GRIP2: variants seen among roughly 807,000 people sequenced by gnomAD.
GRIP2 encodes glutamate receptor-interacting protein 2.
Under a neutral mutation model 108.3 loss-of-function variants are expected in GRIP2, and 58 were observed. That is an observed-to-expected ratio of 0.54 (90% CI 0.43 to 0.67). The LOEUF (loss-of-function observed/expected upper bound fraction) is 0.67, where lower values mean the gene tolerates loss of function less well. GRIP2 is among the 30% of genes least tolerant of loss of function. GRIP2 has a pLI of 0.00. For missense variants in GRIP2, 1,278 were observed against 1,430.6 expected, an observed-to-expected ratio of 0.89 and a Z score of 1.72; for synonymous variants, 586 against 598.2, an observed-to-expected ratio of 0.98 and a Z score of 0.30.
chr3:14,509,905 G>T lies in GRIP2; in HGVS notation c.1993C>A (p.Pro665Thr). 1 of 1,550,034 alleles carries T rather than the reference G, an allele frequency of 6.5e-7. No homozygotes were observed. Among genetic ancestry groups the T allele is most frequent in the Non-Finnish European group, 8.7e-7 (1 of 1,147,128 alleles). ...GTGCCCGAAATGGTGATGCCCAGGG[G>T]ACCCCCGTAGCGCTTCAGCTCCACT... Reference protein sequence around the residue: ...YTVELKRYGGPLGITISGTEE... With the variant: ...YTVELKRYGGTLGITISGTEE... The change falls in exon 17 of 24, where the codon CCC becomes ACC. Residue 665 changes from proline to threonine, a missense_variant. Pro to Thr is a conservative substitution (Grantham distance 38). Transcript: ENST00000621039.
At chr3:14,503,078 TG>T (rs760264297) in intron 21 of GRIP2, among the ~76,000 whole-genome samples, 7 of 152,248 alleles carry the variant, frequency 4.6e-5, no homozygotes, top group Admixed American at 1.3e-4. Context: ...CATTCACCTC[TG>T]GTTTCCCACA....
At chr3:14,596,377 TGAGA>T in the GRIP2 span, among the ~76,000 whole-genome samples, 1 of 152,164 alleles carries the variant, frequency 6.6e-6, no homozygotes, top group African/African-American at 2.4e-5. Context: ...TTTTTAAAAT[TGAGA>T]GAGACAGTAG....
At chr3:14,581,029 T>A in the GRIP2 span, among the ~76,000 whole-genome samples, 1 of 152,216 alleles carries the variant, frequency 6.6e-6, no homozygotes, top group Non-Finnish European at 1.5e-5. Context: ...CATGAGCCAA[T>A]TCCTTTAAAT....
upstream of GRIP2, chr3:14,542,159 T>A: frequency 9.9e-7 from 1 of 1,010,488 alleles, no homozygotes; most frequent in Non-Finnish European, 1.3e-6. Context: ...TTTTATTTTT[T>A]TTATTTTTTT....
chr3:14,573,602 G>A, the GRIP2 span: 8 of 1,467,270 alleles, frequency 5.5e-6, no homozygotes, highest in East Asian at 2.3e-5. Context: ...TCTCACACTC[G>A]CCGTTGGTGC....
At chr3:14,588,822 C>T in the GRIP2 span, among the ~76,000 whole-genome samples, 6 of 152,336 alleles carry the variant, frequency 3.9e-5, no homozygotes, top group South Asian at 1.0e-3. Flanking sequence ...GCCCCCCACA[C>T]CTCCCACACA....
At chr3:14,580,943 A>C in the GRIP2 span, among the ~76,000 whole-genome samples, 2 of 152,238 alleles carry the variant, frequency 1.3e-5, no homozygotes, top group Admixed American at 6.5e-5. Flanking sequence ...AATTGTCCTC[A>C]AGGCTGCAAC....
In GRIP2 at chr3:14,507,514, C is replaced by T; in HGVS notation, c.2218+47G>A. ...CAAAGCCTGGCACAGAGGGATTGCCCTTCCTAAACCTGCTGGGTGGCTCCC... is the reference window on the plus strand; with the variant it reads ...CAAAGCCTGGCACAGAGGGATTGCCTTTCCTAAACCTGCTGGGTGGCTCCC... On this transcript the variant is annotated intron_variant, in intron 18 of 23. Transcript: ENST00000621039. This position sits in a 1 kb window ranked among gnomAD's most constrained non-coding sequence, Gnocchi z 4.6. 15 of 1,600,916 alleles carry T rather than the reference C, an allele frequency of 9.4e-6. No homozygotes were observed. The highest frequency in any genetic ancestry group is 1.2e-5 in the Non-Finnish European group (14 of 1,169,174).
At chr3:14,530,241 T>C (rs1330525031) in intron 1 of GRIP2, among the ~76,000 whole-genome samples, 3 of 152,224 alleles carry the variant, frequency 2.0e-5, no homozygotes, top group Non-Finnish European at 4.4e-5. Flanking sequence ...GGGGTCTCAG[T>C]ACCAACTTGG....
At position 14,493,638 on chromosome 3, in the gene GRIP2, C is replaced by T. The variant is rs750031591; in HGVS notation, c.*27G>A. On this transcript the variant is annotated 3_prime_UTR_variant, in exon 24 of 24. Transcript: ENST00000621039. ...GAGCCAGGATCTGCCTGGGTGGCCCCTTAGGAGTTCGGCCCACATGCTGAC... is the reference window on the plus strand; with the variant it reads ...GAGCCAGGATCTGCCTGGGTGGCCCTTTAGGAGTTCGGCCCACATGCTGAC... 7 of 1,562,812 alleles carry T rather than the reference C, an allele frequency of 4.5e-6. No homozygotes were observed. The Admixed American group carries it at 5.4e-5, about 12-fold the overall frequency.
intron 11 of GRIP2, among the ~76,000 whole-genome samples, chr3:14,516,059 C>T (rs1406391460): frequency 6.6e-6 from 1 of 152,090 alleles, no homozygotes; most frequent in African/African-American, 2.4e-5. Context: ...CTTAGTTACA[C>T]ATCCCAGGAA....
intron 20 of GRIP2, among the ~76,000 whole-genome samples, chr3:14,504,306 CT>C (rs1574994352): frequency 6.9e-6 from 1 of 145,226 alleles, no homozygotes; most frequent in Non-Finnish European, 1.5e-5. Flanking sequence ...AAAGCACTTG[CT>C]TGTTTTTTTT....
the GRIP2 span, among the ~76,000 whole-genome samples, chr3:14,590,461 C>T: frequency 6.6e-6 from 1 of 152,110 alleles, no homozygotes; most frequent in East Asian, 1.9e-4. Flanking sequence ...TTCTTCATCA[C>T]ATCTGCATTT....
At chr3:14,602,601 G>A in the GRIP2 span, among the ~76,000 whole-genome samples, 1 of 151,676 alleles carries the variant, frequency 6.6e-6, no homozygotes, top group South Asian at 2.1e-4. This position sits in a 1 kb window ranked among gnomAD's most constrained non-coding sequence, Gnocchi z 4.7. Flanking sequence ...CCGGGCCGGT[G>A]GATGCCCCCT....
rs148444184 is a variant in GRIP2 at position 14,510,258 on chromosome 3, G to GTT, written c.1934-296_1934-295dup. On this transcript the variant is annotated intron_variant, in intron 16 of 23. Transcript: ENST00000621039. ...GCAAAGGGAACCCCGATCATCCGTT[G>GTT]TTTTTTTTTTTTTTTTTTTTTTGAG... 1.7e-3 allele frequency among the ~76,000 whole-genome samples: 158 copies of GTT among 92,208 alleles called. 2 individuals carry two copies. Among genetic ancestry groups the GTT allele is most frequent in the African/African-American group, 5.9e-3 (114 of 19,480 alleles). The allele number at this position is 92,208 out of a possible 152,430, so 60.5% of individuals were successfully genotyped here.
chr3:14,521,651 C>T lies in GRIP2; in HGVS notation c.703G>A (p.Ala235Thr). 1 of 1,609,066 alleles carries T rather than the reference C, an allele frequency of 6.2e-7. No homozygotes were observed. Among genetic ancestry groups the T allele is most frequent in the Non-Finnish European group, 8.5e-7 (1 of 1,177,352 alleles). The change falls in exon 7 of 24, where the codon GCC (alanine) becomes ACC (threonine). Residue 235 changes from alanine to threonine, a missense_variant. By Grantham distance (58) the Ala-to-Thr change is moderately conservative. Coordinates refer to ENST00000621039, the MANE Select transcript of GRIP2 (RefSeq NM_001080423.4). This position sits in a 1 kb window ranked among gnomAD's most constrained non-coding sequence, Gnocchi z 5.1. ...CAGGCCCCCAACTCACCAGGGGTGG[C>T]CACATCATACTCCACCTGAAAGAGT... ...EALFQVEYDV[A>T]TPDTVANASG... is the part of the protein sequence containing the mutation.
At chr3:14,590,693 G>A in the GRIP2 span, among the ~76,000 whole-genome samples, 5 of 152,106 alleles carry the variant, frequency 3.3e-5, no homozygotes, top group Admixed American at 2.6e-4. Context: ...CCTTTCAACC[G>A]CCTAACGAGG....
intron 1 of GRIP2, among the ~76,000 whole-genome samples, chr3:14,534,165 C>T (rs1002380970): frequency 2.6e-5 from 4 of 152,164 alleles, no homozygotes; most frequent in African/African-American, 9.7e-5. Flanking sequence ...CGAACATCCT[C>T]AGATGGGGGG....
chr3:14,529,708 T>A (rs1424164550), intron 1 of GRIP2, among the ~76,000 whole-genome samples: 1 of 152,214 alleles, frequency 6.6e-6, no homozygotes, highest in Non-Finnish European at 1.5e-5. Context: ...CACCTATTAT[T>A]TTATTTTTCC....
Sources: gnomAD v4.1 joint callset for allele counts (sites outside exome capture counted in the v4.1 genomes callset) on GRCh38, gnomAD v4.1.1 for gene constraint, Gnocchi (gnomAD v3.1) non-coding constraint, MANE v1.5 for transcripts, NCBI Gene and HGNC (gene_info 2026-07-23, HGNC 2026-07-21) for gene names.